Variants in MBTPS1 observed in about 807,000 individuals in gnomAD.
MBTPS1 encodes membrane bound transcription factor peptidase, site 1, also known as membrane-bound transcription factor site-1 protease.
A neutral mutation model predicts 127.8 loss-of-function variants in MBTPS1; 94 were observed. The observed-to-expected ratio is 0.74, with a 90% CI of 0.62 to 0.87. The LOEUF is 0.87. Among genes scored for constraint, MBTPS1 ranks in the 40% least tolerant of loss-of-function variants. MBTPS1 has a pLI of 0.00. For missense variants in MBTPS1, 1,636 were observed against 1,353.2 expected (o/e 1.21, Z -3.28); for synonymous variants, 632 against 509.4 (o/e 1.24, Z -3.24).
intron 19 of MBTPS1, chr16:84,061,706 G>A (rs185676590): frequency 6.6e-6 from 1 of 152,338 alleles, no homozygotes; most frequent in African/African-American, 2.4e-5. Flanking sequence ...TGTTTTCAGG[G>A]ACACCTCAGA....
Position 84,095,728 on chromosome 16 carries a change from G to C in MBTPS1, c.499C>G (p.Leu167Val), listed in dbSNP as rs773452354. The C allele has an allele frequency of 6.2e-7, 1 of 1,614,222 alleles. No individual in the cohort carries two copies. The highest frequency in any genetic ancestry group is 8.5e-7 in the Non-Finnish European group (1 of 1,180,038). ...QSSRPLRRAS[L>V]SLGSGFWHAT... ...TGCCAGAAGCCAGAGCCCAGGGAGA[G>C]GCTGGCTCTTCGCAGGGGACGTGAT... Residue 167 changes from leucine to valine, a missense_variant, in exon 4 of 23, where the codon CTC becomes GTC. Transcript: ENST00000343411.
At chr16:84,059,571 T>A in intron 20 of MBTPS1, 143 bp from the exon 21 acceptor site, 1 of 699,104 alleles carries the variant, frequency 1.4e-6, no homozygotes. Flanking sequence ...CTATCCTCCA[T>A]GAGCCGCAGG....
intron 16 of MBTPS1, 60 bp downstream of exon 16, chr16:84,067,607 G>T: frequency 1.5e-6 from 2 of 1,304,934 alleles, no homozygotes; most frequent in South Asian, 1.3e-5. Flanking sequence ...TTAAGTATTT[G>T]CTGGGTAGAA....
intron 22 of MBTPS1, among the ~76,000 whole-genome samples, chr16:84,054,860 G>C (rs1053473251): frequency 7.0e-6 from 1 of 143,042 alleles, no homozygotes; most frequent in Non-Finnish European, 1.6e-5. Flanking sequence ...CTGTGGGGTG[G>C]AGGCTCGGTG....
chr16:84,078,005 A>G (rs1366423866), intron 11 of MBTPS1, among the ~76,000 whole-genome samples: 1 of 152,212 alleles, frequency 6.6e-6, no homozygotes, highest in Non-Finnish European at 1.5e-5. Flanking sequence ...CACAAATTAA[A>G]CAATACTGAA....
intron 14 of MBTPS1, among the ~76,000 whole-genome samples, chr16:84,068,678 G>C (rs897680663): frequency 6.6e-6 from 1 of 152,238 alleles, no homozygotes; most frequent in East Asian, 1.9e-4. Context: ...GCAGGTGCAT[G>C]AAAGAGACAA....
At chr16:84,059,589 C>G (rs1290813359) in intron 20 of MBTPS1, 161 bp from the exon 21 acceptor site, 3 of 587,758 alleles carry the variant, frequency 5.1e-6, no homozygotes, top group Non-Finnish European at 5.9e-6. Flanking sequence ...AGGAGCCACG[C>G]CTGATTGGTT....
At chr16:84,106,490 G>A (rs2086325303) in intron 1 of MBTPS1, among the ~76,000 whole-genome samples, 1 of 152,140 alleles carries the variant, frequency 6.6e-6, no homozygotes, top group Non-Finnish European at 1.5e-5. Context: ...GAAAGCAAGT[G>A]AAAAGGCCCT....
At chr16:84,085,724 T>C (rs1396311904) in intron 9 of MBTPS1, among the ~76,000 whole-genome samples, 1 of 152,142 alleles carries the variant, frequency 6.6e-6, no homozygotes, top group African/African-American at 2.4e-5. Flanking sequence ...AAGATAAGTA[T>C]TTTAATTTTG....
At chr16:84,091,043 A>T in intron 7 of MBTPS1, 101 bp from the exon 8 acceptor site, 2 of 916,368 alleles carry the variant, frequency 2.2e-6, no homozygotes, top group Non-Finnish European at 3.5e-6. Context: ...AAACAGTTCT[A>T]AAAAAGCAGC....
chr16:84,088,171 A>C (rs1427997064), intron 8 of MBTPS1, among the ~76,000 whole-genome samples: 1 of 152,226 alleles, frequency 6.6e-6, no homozygotes, highest in Non-Finnish European at 1.5e-5. Context: ...ACTCAGTTAT[A>C]AAACTGCATT....
intron 3 of MBTPS1, among the ~76,000 whole-genome samples, chr16:84,096,040 G>A (rs1383403782): frequency 1.3e-5 from 2 of 151,946 alleles, no homozygotes; most frequent in Non-Finnish European, 2.9e-5. Context: ...TCTAACCAAG[G>A]TAAGGCAAAG....
intron 1 of MBTPS1, among the ~76,000 whole-genome samples, chr16:84,106,534 A>G (rs2086325894): frequency 6.6e-6 from 1 of 152,150 alleles, no homozygotes; most frequent in South Asian, 2.1e-4. Context: ...GTGTGTGAGG[A>G]AAGAAAGGCA....
chr16:84,088,073 T>C (rs930682491), intron 8 of MBTPS1, among the ~76,000 whole-genome samples: 3 of 152,154 alleles, frequency 2.0e-5, no homozygotes, highest in Admixed American at 1.3e-4. Context: ...GCACTAGATC[T>C]GCAAAGAAAT....
In MBTPS1 at chr16:84,115,477, T is replaced by TAA. The variant is rs527348805; in HGVS notation, c.-325+1257_-325+1258insTT. On this transcript the variant is annotated intron_variant, in intron 1 of 22. Coordinates refer to ENST00000343411, the MANE Select transcript of MBTPS1 (RefSeq NM_003791.4). ...ATTAGAGCATAAAATAAACTTTTAT[T>TAA]TGTCAAAAGTGTTCTGCATAAATGC... is the stretch of plus-strand genomic sequence containing the variant. Among the ~76,000 whole-genome samples the TAA allele has an allele frequency of 9.1e-4, 139 of 152,308 alleles. 4 individuals carry two copies. The South Asian group carries it at 0.027, about 29-fold the overall frequency.
chr16:84,058,014 G>C (rs923385407), intron 21 of MBTPS1: 2 of 152,190 alleles, frequency 1.3e-5, no homozygotes, highest in Non-Finnish European at 2.9e-5. Flanking sequence ...ATAAATGCTG[G>C]TTTGAATGCT....
intron 1 of MBTPS1, among the ~76,000 whole-genome samples, chr16:84,103,258 T>TA (rs200669547): frequency 7.1e-4 from 104 of 145,882 alleles, no homozygotes; most frequent in African/African-American, 2.3e-3. Context: ...TTATTATTAT[T>TA]TTTTTTTTTT....
chr16:84,089,409 G>C (rs368599650), intron 8 of MBTPS1, among the ~76,000 whole-genome samples: 5 of 152,212 alleles, frequency 3.3e-5, no homozygotes, highest in African/African-American at 9.7e-5. Context: ...ATTCAGCCTA[G>C]AATACTGAAG....
intron 1 of MBTPS1, chr16:84,109,537 G>A (rs1031731110): frequency 6.6e-6 from 1 of 152,202 alleles, no homozygotes; most frequent in Non-Finnish European, 1.5e-5. Context: ...GATGCACTGA[G>A]AAGAGCCGGC....
Sources: gnomAD v4.1 joint callset for allele counts (sites outside exome capture counted in the v4.1 genomes callset) on GRCh38, gnomAD v4.1.1 for gene constraint, MANE v1.5 for transcripts, NCBI Gene and HGNC (gene_info 2026-07-23, HGNC 2026-07-21) for gene names.